The following ZNF670 variants were observed in gnomAD, a reference collection of about 807,000 sequenced individuals.
The protein encoded by ZNF670 is zinc finger protein 670.
ZNF670 carries 7 observed loss-of-function variants against 10.9 expected under a neutral mutation model. That is an observed-to-expected ratio of 0.64 (90% CI 0.36 to 1.20). ZNF670 has a LOEUF of 1.20. Ranked by LOEUF, ZNF670 falls within the 50% of genes most tolerant of loss-of-function variation. The pLI, the probability that ZNF670 is intolerant of heterozygous loss-of-function variation, is 0.02. For synonymous variants in ZNF670, 136 were observed against 152.7 expected, an observed-to-expected ratio of 0.89 and a Z score of 0.81; for missense variants, 446 against 458.6, an observed-to-expected ratio of 0.97 and a Z score of 0.25.
At chr1:247,060,740 A>G (rs1000999548) in intron 1 of ZNF670, among the ~76,000 whole-genome samples, 1 of 152,230 alleles carries the variant, frequency 6.6e-6, no homozygotes, top group Non-Finnish European at 1.5e-5. Context: ...AAAATTACAC[A>G]CAGAATAAAA....
Position 247,057,169 on chromosome 1 carries a change from C to T in ZNF670, c.4-17632G>A, listed in dbSNP as rs114050524. 7.1e-3 allele frequency among the ~76,000 whole-genome samples: 1,081 copies of T among 152,248 alleles called. 19 individuals are homozygous for T. Among genetic ancestry groups the T allele is most frequent in the African/African-American group, 0.024 (983 of 41,554 alleles). On this transcript the variant is annotated intron_variant, in intron 1 of 3. Coordinates refer to ENST00000366503, the MANE Select transcript of ZNF670 (RefSeq NM_033213.5). ...ATACAGGAAAAAAAATTCTAATAAT[C>T]TCATCCAAAAATGGGCAAATAATCC...
intron 1 of ZNF670, among the ~76,000 whole-genome samples, chr1:247,041,396 G>C (rs894844058): frequency 3.3e-5 from 5 of 152,076 alleles, no homozygotes; most frequent in Non-Finnish European, 7.4e-5. Flanking sequence ...AATAAGCAAA[G>C]CATACTTAAA....
At chr1:247,065,904 T>G (rs1286098224) in intron 1 of ZNF670, among the ~76,000 whole-genome samples, 1 of 152,218 alleles carries the variant, frequency 6.6e-6, no homozygotes, top group Non-Finnish European at 1.5e-5. Flanking sequence ...CAGCACTTTT[T>G]TTCTCAATGC....
chr1:247,073,818 C>T (rs930113546), intron 1 of ZNF670, among the ~76,000 whole-genome samples: 5 of 152,168 alleles, frequency 3.3e-5, no homozygotes, highest in African/African-American at 1.2e-4. Context: ...ATCCTTCTGA[C>T]CAATTGCTCA....
In ZNF670 at chr1:247,038,229, T is replaced by C. The variant is rs756079496; in HGVS notation, c.390A>G (p.Leu130=). The C allele has an allele frequency of 2.5e-6, 4 of 1,614,154 alleles. No homozygotes were observed. The South Asian group carries it at 4.4e-5, about 18-fold the overall frequency. The change falls in exon 4 of 4, where the codon CTA becomes CTG. Residue 130 remains leucine (L), a synonymous_variant. Transcript: ENST00000366503. Reference sequence around the variant, plus strand: ...TCTCTGGACATTCCTCACACTCAAATAGTTTGTTTCCAATGTGAGACAGGA... The same window carrying C: ...TCTCTGGACATTCCTCACACTCAAACAGTTTGTTTCCAATGTGAGACAGGA... ...RHILSHIGNK[L]FECEECPEKL...
intron 1 of ZNF670, among the ~76,000 whole-genome samples, chr1:247,049,011 T>C (rs1670526286): frequency 6.6e-6 from 1 of 152,172 alleles, no homozygotes; most frequent in Admixed American, 6.5e-5. Flanking sequence ...CTAGGTTTTC[T>C]AGTTTGTGCA....
At chr1:247,070,456 G>C (rs1214979526) in intron 1 of ZNF670, among the ~76,000 whole-genome samples, 1 of 152,232 alleles carries the variant, frequency 6.6e-6, no homozygotes, top group East Asian at 1.9e-4. Context: ...GGGCGACAGA[G>C]TGAGACTCCG....
In ZNF670 at chr1:247,037,700, T is replaced by C. The variant is rs748414939; in HGVS notation, c.919A>G (p.Lys307Glu). 1 of 1,614,008 alleles carries C rather than the reference T, an allele frequency of 6.2e-7. No individual in the cohort carries two copies. The highest frequency in any genetic ancestry group is 1.7e-5 in the Admixed American group (1 of 59,988). The change falls in exon 4 of 4, where the codon AAG becomes GAG. Residue 307 changes from lysine (K) to glutamate (E), a missense_variant. Physicochemically the swap from Lys to Glu is moderately conservative, Grantham distance 56. Transcript: ENST00000366503. ...RVHERTHSGE[K>E]PYECKQCGKA... ...CCACATTGTTTACATTCATAGGGCT[T>C]TTCTCCACTGTGAGTCCTTTCATGG...
chr1:247,052,631 G>C (rs1050979759), intron 1 of ZNF670, among the ~76,000 whole-genome samples: 1 of 152,176 alleles, frequency 6.6e-6, no homozygotes, highest in Non-Finnish European at 1.5e-5. Flanking sequence ...TGGTTAGCCA[G>C]GATGTTACAG....
intron 1 of ZNF670, chr1:247,043,267 C>T (rs1670361888): frequency 1.5e-6 from 1 of 658,104 alleles, no homozygotes; most frequent in Non-Finnish European, 2.9e-6. Context: ...TGGGTATATT[C>T]TGGAAGGAGG....
intron 1 of ZNF670, among the ~76,000 whole-genome samples, chr1:247,041,545 G>C (rs373036836): frequency 9.9e-5 from 15 of 152,060 alleles, no homozygotes; most frequent in African/African-American, 3.4e-4. Flanking sequence ...ATGGCAAACG[G>C]GTTACTCACG....
rs1454224058 is a variant in ZNF670, at chr1:247,078,076, C to G, written c.3+518G>C. 2.0e-5 allele frequency among the ~76,000 whole-genome samples: 3 copies of G among 152,210 alleles called. No individual in the cohort carries two copies. In the South Asian group the frequency reaches 6.2e-4, roughly 32 times the overall value. ...TATGGGGTGACTACATAACTGTACA[C>G]GATCAATTATTTAATTGGGTTTGCT... On this transcript the variant is annotated intron_variant, in intron 1 of 3. Transcript: ENST00000366503.
chr1:247,075,530 G>A (rs1470320476), intron 1 of ZNF670, among the ~76,000 whole-genome samples: 1 of 152,182 alleles, frequency 6.6e-6, no homozygotes, highest in African/African-American at 2.4e-5. Flanking sequence ...GGAACGTGGT[G>A]GGAGGTAATT....
At chr1:247,040,735 C>T (rs1307694538) in intron 1 of ZNF670, among the ~76,000 whole-genome samples, 5 of 151,956 alleles carry the variant, frequency 3.3e-5, no homozygotes, top group Non-Finnish European at 7.4e-5. Context: ...TCTTGTTGCC[C>T]GGGCTGGAGT....
rs146404832 is a variant in ZNF670 at position 247,069,594 on chromosome 1, T to G, written c.3+9000A>C. ...CGATAGCCAAAATTTGGAAACAACC[T>G]AAGTGTCCATCAACAGATGAATGCA... On this transcript the variant is annotated intron_variant, in intron 1 of 3. Transcript: ENST00000366503. 7.8e-4 allele frequency among the ~76,000 whole-genome samples: 117 copies of G among 150,740 alleles called. No homozygotes were observed. In the East Asian group the frequency reaches 0.018, roughly 24 times the overall value.
At chr1:247,053,448 ATGG>A (rs1558341312) in intron 1 of ZNF670, among the ~76,000 whole-genome samples, 3 of 152,210 alleles carry the variant, frequency 2.0e-5, no homozygotes, top group African/African-American at 7.2e-5. Context: ...CCTGGCTAAC[ATGG>A]TGAAACCCCA....
chr1:247,063,358 G>A (rs921828832), intron 1 of ZNF670, among the ~76,000 whole-genome samples: 1 of 152,094 alleles, frequency 6.6e-6, no homozygotes, highest in African/African-American at 2.4e-5. Flanking sequence ...CGGATCAAGA[G>A]GTCAGGAGAT....
At chr1:247,047,731 G>C (rs987028832) in intron 1 of ZNF670, among the ~76,000 whole-genome samples, 1 of 152,170 alleles carries the variant, frequency 6.6e-6, no homozygotes, top group Non-Finnish European at 1.5e-5. Flanking sequence ...AAAGTTTTCT[G>C]TACCCACAGG....
chr1:247,046,994 T>TG (rs1670466640), intron 1 of ZNF670, among the ~76,000 whole-genome samples: 1 of 152,226 alleles, frequency 6.6e-6, no homozygotes, highest in South Asian at 2.1e-4. Flanking sequence ...ATGATCGCCT[T>TG]TGACTCCATG....
Sources: gnomAD v4.1 joint callset for allele counts (sites outside exome capture counted in the v4.1 genomes callset) on GRCh38, gnomAD v4.1.1 for gene constraint, MANE v1.5 for transcripts, NCBI Gene and HGNC (gene_info 2026-07-23, HGNC 2026-07-21) for gene names.